PABPC4L: variants seen among roughly 807,000 people sequenced by gnomAD.
PABPC4L encodes poly(A) binding protein cytoplasmic 4 like, also known as polyadenylate-binding protein 4-like.
For missense variants in PABPC4L, 452 were observed against 451.4 expected (o/e 1.00, Z -0.01); for synonymous variants, 169 against 164.1 (o/e 1.03, Z -0.23).
chr4:134,006,255 A>T, the PABPC4L span, among the ~76,000 whole-genome samples: 1 of 151,228 alleles, frequency 6.6e-6, no homozygotes, highest in African/African-American at 2.4e-5. Flanking sequence ...TTTCTTTGTG[A>T]TTTTTTTTCT....
At chr4:134,103,111 T>C in the PABPC4L span, among the ~76,000 whole-genome samples, 1 of 151,654 alleles carries the variant, frequency 6.6e-6, no homozygotes, top group East Asian at 2.0e-4. Flanking sequence ...TTTCTTAAAG[T>C]TCCACAGCAA....
the PABPC4L span, among the ~76,000 whole-genome samples, chr4:134,156,955 GT>G: frequency 1.3e-5 from 2 of 151,630 alleles, no homozygotes; most frequent in Admixed American, 1.3e-4. Context: ...TCTTCTCCCT[GT>G]TTTCTTTAGG....
chr4:133,964,143 C>A, the PABPC4L span, among the ~76,000 whole-genome samples: 1 of 152,034 alleles, frequency 6.6e-6, no homozygotes, highest in Non-Finnish European at 1.5e-5. Context: ...GGAGATATTA[C>A]AACTGACACC....
the PABPC4L span, among the ~76,000 whole-genome samples, chr4:134,091,884 T>C: frequency 6.6e-6 from 1 of 152,114 alleles, no homozygotes; most frequent in Non-Finnish European, 1.5e-5. Context: ...ACTTTCTTAA[T>C]GTAGCATTGG....
chr4:134,155,429 C>CACACACAT, the PABPC4L span, among the ~76,000 whole-genome samples: 1 of 151,648 alleles, frequency 6.6e-6, no homozygotes, highest in African/African-American at 2.4e-5. Context: ...CACACACACA[C>CACACACAT]ACACACAGAG....
the PABPC4L span, among the ~76,000 whole-genome samples, chr4:134,174,478 C>T: frequency 6.6e-6 from 1 of 152,102 alleles, no homozygotes; most frequent in Non-Finnish European, 1.5e-5. Flanking sequence ...ATGAGTAAGC[C>T]TTGTGCTATG....
At chr4:134,075,448 G>T in the PABPC4L span, among the ~76,000 whole-genome samples, 1 of 152,064 alleles carries the variant, frequency 6.6e-6, no homozygotes, top group African/African-American at 2.4e-5. Context: ...GCATTCAGAA[G>T]CTTCAACTGG....
the PABPC4L span, among the ~76,000 whole-genome samples, chr4:133,996,796 G>A: frequency 6.6e-6 from 1 of 152,154 alleles, no homozygotes; most frequent in South Asian, 2.1e-4. Flanking sequence ...ACCCCCATAA[G>A]TACAGATTAT....
chr4:134,191,788 A>G (rs1290432681), downstream of PABPC4L, among the ~76,000 whole-genome samples: 2 of 152,012 alleles, frequency 1.3e-5, no homozygotes, highest in South Asian at 2.1e-4. Flanking sequence ...AAATTTTCAA[A>G]TCAATATCCT....
the PABPC4L span, among the ~76,000 whole-genome samples, chr4:134,077,971 C>T: frequency 6.6e-6 from 1 of 151,746 alleles, no homozygotes; most frequent in African/African-American, 2.4e-5. Context: ...AAAAACAAAA[C>T]AAAACAAAGC....
the PABPC4L span, among the ~76,000 whole-genome samples, chr4:133,995,635 T>A: frequency 6.6e-6 from 1 of 152,072 alleles, no homozygotes; most frequent in Non-Finnish European, 1.5e-5. Flanking sequence ...GAGAATTTGG[T>A]CCCAAGCCCT....
At chr4:134,138,723 C>G in the PABPC4L span, among the ~76,000 whole-genome samples, 1 of 151,664 alleles carries the variant, frequency 6.6e-6, no homozygotes, top group East Asian at 1.9e-4. Flanking sequence ...GTAATGTGTT[C>G]TATAACCTAT....
At chr4:133,987,421 A>G in the PABPC4L span, among the ~76,000 whole-genome samples, 6 of 152,196 alleles carry the variant, frequency 3.9e-5, no homozygotes, top group African/African-American at 1.4e-4. Flanking sequence ...AAGAAAGTCC[A>G]TCTCTTCTCC....
chr4:134,118,866 T>G, the PABPC4L span, among the ~76,000 whole-genome samples: 1 of 151,836 alleles, frequency 6.6e-6, no homozygotes, highest in Non-Finnish European at 1.5e-5. Context: ...TTCATCAACT[T>G]AAACACAGAC....
At chr4:133,993,214 G>C in the PABPC4L span, among the ~76,000 whole-genome samples, 1 of 152,058 alleles carries the variant, frequency 6.6e-6, no homozygotes, top group African/African-American at 2.4e-5. Context: ...GTGTTGCAGG[G>C]TCCTTACTCA....
the PABPC4L span, among the ~76,000 whole-genome samples, chr4:133,999,774 A>T: frequency 1.3e-5 from 2 of 151,968 alleles, no homozygotes; most frequent in African/African-American, 4.8e-5. Context: ...GTTTGAGGAG[A>T]GAGAGTTCAA....
At chr4:134,109,532 C>G in the PABPC4L span, among the ~76,000 whole-genome samples, 1,933 of 151,540 alleles carry the variant, frequency 0.013, 43 homozygotes, top group African/African-American at 0.041. Context: ...AAAATAATGT[C>G]CCTATGGATA....
chr4:134,117,797 G>T, the PABPC4L span, among the ~76,000 whole-genome samples: 1 of 151,692 alleles, frequency 6.6e-6, no homozygotes, highest in African/African-American at 2.4e-5. Context: ...TCATGCTGTG[G>T]GATTCCCAAA....
the PABPC4L span, among the ~76,000 whole-genome samples, chr4:134,177,181 CTTTTCTT>C: frequency 0.029 from 3,012 of 103,118 alleles, 121 homozygotes; most frequent in African/African-American, 0.11. Context: ...TTTTTCTTTT[CTTTTCTT>C]TTTTTTTTTT....
Sources: allele counts gnomAD v4.1 joint callset (sites outside exome capture counted in the v4.1 genomes callset), GRCh38; gene constraint gnomAD v4.1.1; transcripts MANE v1.5; gene names NCBI Gene and HGNC (gene_info 2026-07-23, HGNC 2026-07-21).